Variants in PTPRT observed in about 807,000 individuals in gnomAD.
The protein encoded by PTPRT is protein tyrosine phosphatase receptor type T.
In PTPRT, 56 loss-of-function variants were observed where a neutral mutation model predicts 176.8. The ratio of observed to expected loss-of-function variants is 0.32; its 90% CI spans 0.26 to 0.40. The LOEUF (loss-of-function observed/expected upper bound fraction) is 0.40. PTPRT is among the 10% of genes least tolerant of loss of function. The pLI, the probability that PTPRT is intolerant of heterozygous loss-of-function variation, is 1.00. For synonymous variants in PTPRT, 783 were observed against 739.0 expected, an observed-to-expected ratio of 1.06 and a Z score of -0.96; for missense variants, 1,540 against 1,908.2, an observed-to-expected ratio of 0.81 and a Z score of 3.60.
chr20:42,550,851 TCA>T (rs1287588272), intron 7 of PTPRT, among the ~76,000 whole-genome samples: 1 of 152,186 alleles, frequency 6.6e-6, no homozygotes, highest in Non-Finnish European at 1.5e-5. Flanking sequence ...AAAGCATTTC[TCA>T]GTGTGTCTAA....
intron 1 of PTPRT, among the ~76,000 whole-genome samples, chr20:42,897,270 TC>T (rs2079318662): frequency 6.6e-6 from 1 of 152,220 alleles, no homozygotes; most frequent in African/African-American, 2.4e-5. Flanking sequence ...GCTCGAGCAT[TC>T]CCCAAGGACC....
At chr20:42,122,832 C>G (rs1268910370) in intron 19 of PTPRT, among the ~76,000 whole-genome samples, 3 of 152,186 alleles carry the variant, frequency 2.0e-5, no homozygotes, top group Admixed American at 6.5e-5. Context: ...AGTCATCTGT[C>G]TCCATTTTCA....
At position 42,620,800 on chromosome 20, in the gene PTPRT, T is replaced by G. The variant is rs6093700; in HGVS notation, c.1153+57066A>C. ...GGCAATGCCTCGCCCTGCTTCGGCT[T>G]GCGCACGGTGCGCGCACCCACTGGC... On this transcript the variant is annotated intron_variant, in intron 7 of 30. Transcript: ENST00000373187. 6.6e-5 allele frequency among the ~76,000 whole-genome samples: 10 copies of G among 152,182 alleles called. No homozygotes were observed. The East Asian group carries it at 9.7e-4, about 15-fold the overall frequency.
At chr20:42,965,060 A>T (rs1247969424) in intron 1 of PTPRT, among the ~76,000 whole-genome samples, 1 of 152,248 alleles carries the variant, frequency 6.6e-6, no homozygotes, top group Non-Finnish European at 1.5e-5. Context: ...TAAGATACCC[A>T]GCATAAAAGT....
At chr20:42,319,919 A>G (rs1173104106) in intron 11 of PTPRT, among the ~76,000 whole-genome samples, 3 of 152,206 alleles carry the variant, frequency 2.0e-5, no homozygotes, top group African/African-American at 7.2e-5. Flanking sequence ...TTTTAAAGAG[A>G]AAGGATTTTT....
Position 42,864,449 on chromosome 20 carries a change from G to C in PTPRT, c.214+21358C>G, listed in dbSNP as rs115041967. Among the ~76,000 whole-genome samples the C allele has an allele frequency of 9.7e-3, 1,476 of 152,324 alleles. 27 individuals carry two copies. Among genetic ancestry groups the C allele is most frequent in the African/African-American group, 0.034 (1,420 of 41,572 alleles). On this transcript the variant is annotated intron_variant, in intron 2 of 30. Transcript: ENST00000373187. ...CATGCTGAGTCCCAGCTCTGAGACAGGACAAGAAGAAGCTGCTTGATGGTG... is the reference window on the plus strand; with the variant it reads ...CATGCTGAGTCCCAGCTCTGAGACACGACAAGAAGAAGCTGCTTGATGGTG...
chr20:42,378,961 T>C (rs1300343413), intron 9 of PTPRT, among the ~76,000 whole-genome samples: 1 of 152,224 alleles, frequency 6.6e-6, no homozygotes, highest in Non-Finnish European at 1.5e-5. Context: ...GGTGTGACAC[T>C]GACTCAACTT....
At chr20:43,141,302 C>A (rs1230861043) in intron 1 of PTPRT, among the ~76,000 whole-genome samples, 3 of 152,206 alleles carry the variant, frequency 2.0e-5, no homozygotes, top group Non-Finnish European at 4.4e-5. Context: ...TCGGGCAGCT[C>A]TTCTGCTGGT....
At chr20:43,147,712 C>T (rs946559448) in intron 1 of PTPRT, among the ~76,000 whole-genome samples, 3 of 152,176 alleles carry the variant, frequency 2.0e-5, no homozygotes, top group Admixed American at 6.5e-5. Context: ...CTGTCTATTC[C>T]CAAGAGCATC....
chr20:42,818,919 CA>C (rs1311386015), intron 2 of PTPRT, among the ~76,000 whole-genome samples: 2 of 152,122 alleles, frequency 1.3e-5, no homozygotes, highest in East Asian at 3.8e-4. Context: ...ACTGAACCTA[CA>C]ATTGACTGAA....
In PTPRT at chr20:42,677,848, G is replaced by GAAA. The variant is rs3091760; in HGVS notation, c.1153+15_1153+17dup. The stretch of plus-strand genomic sequence containing the variant: ...CACAGCCTCTCATAATGGAGCCTGG[G>GAAA]AAAAAAAAAAATCTTACCTGCACAC... On this transcript the variant is annotated intron_variant, in intron 7 of 30. Coordinates refer to ENST00000373187, the MANE Select transcript of PTPRT (RefSeq NM_007050.6). 13,888 of 1,427,870 alleles carry GAAA rather than the reference G, an allele frequency of 9.7e-3. 8 individuals are homozygous for GAAA. Among genetic ancestry groups the GAAA allele is most frequent in the Middle Eastern group, 0.029 (119 of 4,174 alleles). The allele number at this position is 1,427,870 out of a possible 1,614,324, so 88.5% of individuals were successfully genotyped here.
At chr20:43,038,051 C>T (rs1986455070) in intron 1 of PTPRT, among the ~76,000 whole-genome samples, 2 of 151,900 alleles carry the variant, frequency 1.3e-5, no homozygotes, top group East Asian at 1.9e-4. Context: ...CTGACCTGAG[C>T]CTATTTATAG....
intron 1 of PTPRT, among the ~76,000 whole-genome samples, chr20:42,963,347 A>C (rs1428171254): frequency 6.6e-6 from 1 of 152,086 alleles, no homozygotes; most frequent in Non-Finnish European, 1.5e-5. Context: ...ACTGCACTCC[A>C]GCCTGGGCGA....
At chr20:42,216,832 G>T (rs553828681) in intron 15 of PTPRT, among the ~76,000 whole-genome samples, 1 of 152,296 alleles carries the variant, frequency 6.6e-6, no homozygotes, top group East Asian at 1.9e-4. Context: ...TCTGCAGGTA[G>T]TGCATGGCAA....
intron 9 of PTPRT, among the ~76,000 whole-genome samples, chr20:42,406,976 AC>A (rs2058966919): frequency 6.6e-6 from 1 of 152,152 alleles, no homozygotes. Context: ...CTGGGAATCC[AC>A]CTGCTCATCT....
chr20:43,110,586 A>G (rs766256542), intron 1 of PTPRT, among the ~76,000 whole-genome samples: 1 of 152,198 alleles, frequency 6.6e-6, no homozygotes, highest in Non-Finnish European at 1.5e-5. Flanking sequence ...CACTGTGTAC[A>G]TGACTGGTTT....
intron 1 of PTPRT, among the ~76,000 whole-genome samples, chr20:43,135,693 T>C (rs564037554): frequency 3.4e-3 from 521 of 152,322 alleles, no homozygotes; most frequent in Non-Finnish European, 5.0e-3. Flanking sequence ...ACACAAGATC[T>C]TACAAAGTAC....
At chr20:42,448,098 C>G (rs567904620) in intron 9 of PTPRT, 122 bp downstream of exon 9, 1 of 782,082 alleles carries the variant, frequency 1.3e-6, no homozygotes, top group Admixed American at 2.0e-5. Context: ...TGTCAGAAAC[C>G]TTTTGGTATG....
At chr20:42,913,740 G>A (rs1277494146) in intron 1 of PTPRT, among the ~76,000 whole-genome samples, 1 of 152,140 alleles carries the variant, frequency 6.6e-6, no homozygotes, top group African/African-American at 2.4e-5. Context: ...CATGACAAAT[G>A]ATGACATTAA....
Sources: allele counts gnomAD v4.1 joint callset (sites outside exome capture counted in the v4.1 genomes callset), GRCh38; gene constraint gnomAD v4.1.1; transcripts MANE v1.5; gene names NCBI Gene and HGNC (gene_info 2026-07-23, HGNC 2026-07-21).